The following ARHGAP10 variants were observed in gnomAD, a reference collection of about 807,000 sequenced individuals.
ARHGAP10 encodes Rho GTPase activating protein 10.
Under a neutral mutation model 108.6 loss-of-function variants are expected in ARHGAP10, and 87 were observed. That is an observed-to-expected ratio of 0.80 (90% CI 0.67 to 0.96). The LOEUF (loss-of-function observed/expected upper bound fraction) is 0.96. Among genes scored for constraint, ARHGAP10 ranks in the 40% least tolerant of loss-of-function variants. ARHGAP10 has a pLI of 0.00. For synonymous variants in ARHGAP10, 347 were observed against 341.1 expected (o/e 1.02, Z -0.19); for missense variants, 939 against 954.5 (o/e 0.98, Z 0.21).
chr4:147,764,866 A>G (rs559885965), intron 1 of ARHGAP10, among the ~76,000 whole-genome samples: 1 of 152,260 alleles, frequency 6.6e-6, no homozygotes, highest in East Asian at 1.9e-4. Flanking sequence ...GTTTTATATG[A>G]CAGATGTGCT....
intron 1 of ARHGAP10, among the ~76,000 whole-genome samples, chr4:147,795,929 G>A (rs150873193): frequency 0.022 from 3,360 of 152,134 alleles, 54 homozygotes; most frequent in South Asian, 0.038. Context: ...TCCTGACCTC[G>A]TGATCCGCCC....
At chr4:147,901,394 TC>T (rs1459294460) in intron 10 of ARHGAP10, among the ~76,000 whole-genome samples, 1 of 152,214 alleles carries the variant, frequency 6.6e-6, no homozygotes, top group East Asian at 1.9e-4. Context: ...TGTGAAGTGT[TC>T]TGAAGAATGT....
intron 18 of ARHGAP10, among the ~76,000 whole-genome samples, chr4:147,990,084 TGAG>T (rs1487655867): frequency 6.6e-6 from 1 of 152,286 alleles, no homozygotes; most frequent in East Asian, 1.9e-4. Context: ...TCTGCCTGAA[TGAG>T]GAGGAGGAAA....
At chr4:147,913,937 G>T (rs1177487669) in intron 13 of ARHGAP10, among the ~76,000 whole-genome samples, 1 of 152,178 alleles carries the variant, frequency 6.6e-6, no homozygotes, top group Non-Finnish European at 1.5e-5. Context: ...CAGATCACCT[G>T]AGGCTGGGAG....
chr4:148,056,529 T>G (rs1729370689), intron 20 of ARHGAP10, among the ~76,000 whole-genome samples: 1 of 152,104 alleles, frequency 6.6e-6, no homozygotes, highest in Admixed American at 6.5e-5. Context: ...CCGTAGACCC[T>G]TCACTTCCCC....
intron 18 of ARHGAP10, among the ~76,000 whole-genome samples, chr4:147,969,573 C>T (rs1299084732): frequency 4.6e-5 from 7 of 152,248 alleles, no homozygotes; most frequent in Non-Finnish European, 1.0e-4. Flanking sequence ...TGTGAAAATA[C>T]TGGCTCTGGG....
At chr4:148,060,567 T>G (rs1325801604) in intron 20 of ARHGAP10, among the ~76,000 whole-genome samples, 1 of 152,196 alleles carries the variant, frequency 6.6e-6, no homozygotes, top group African/African-American at 2.4e-5. Flanking sequence ...TCCCAAACCT[T>G]GTTTGGCTGC....
rs546917148 is a variant in ARHGAP10 at position 147,972,363 on chromosome 4, T to C, written c.1716+5524T>C. ...ATAAAATTCCCATTGCATAAATATA[T>C]GTAATAGTATCCCTGTATGGGTGAA... On this transcript the variant is annotated intron_variant, in intron 18 of 22. Transcript: ENST00000336498. Among the ~76,000 whole-genome samples the C allele has an allele frequency of 2.6e-5, 4 of 152,246 alleles. No homozygotes were observed. The East Asian group carries it at 7.7e-4, about 29-fold the overall frequency.
rs911183343 is a variant in ARHGAP10 at position 147,844,265 on chromosome 4, G to A, written c.313-2886G>A. The stretch of plus-strand genomic sequence containing the variant: ...TTATATTAGATATTTTGATAGAGGC[G>A]TGCAATGTATAATAGTCACATCATG... On this transcript the variant is annotated intron_variant, in intron 3 of 22. Coordinates refer to ENST00000336498, the MANE Select transcript of ARHGAP10 (RefSeq NM_024605.4). Among the ~76,000 whole-genome samples the A allele has an allele frequency of 1.8e-4, 27 of 151,990 alleles. 1 individual carries two copies. Among genetic ancestry groups the A allele is most frequent in the Non-Finnish European group, 3.1e-4 (21 of 68,006 alleles).
intron 13 of ARHGAP10, among the ~76,000 whole-genome samples, chr4:147,916,014 C>A (rs114654188): frequency 6.6e-6 from 1 of 152,008 alleles, no homozygotes; most frequent in Admixed American, 6.6e-5. Flanking sequence ...GAGGCTGAGG[C>A]GGGAGGATCA....
chr4:147,798,661 C>G (rs1408552220), intron 1 of ARHGAP10, among the ~76,000 whole-genome samples: 2 of 151,054 alleles, frequency 1.3e-5, no homozygotes, highest in African/African-American at 4.9e-5. Flanking sequence ...GTGGCTCACG[C>G]CTGTAATCCC....
intron 8 of ARHGAP10, among the ~76,000 whole-genome samples, chr4:147,879,031 A>G (rs1428698344): frequency 6.6e-6 from 1 of 151,926 alleles, no homozygotes; most frequent in Admixed American, 6.6e-5. Context: ...CGACCTCCCA[A>G]AGTGCTGGGA....
rs1738106640 is a variant in ARHGAP10, at chr4:147,939,904, G to A, written c.1303+5G>A. On this transcript the variant is annotated splice_donor_5th_base_variant and intron_variant, in intron 14 of 22. Coordinates refer to ENST00000336498, the MANE Select transcript of ARHGAP10 (RefSeq NM_024605.4). ...GACTTCTGAGTATGTTGATGGGTATGCCTCTTTTCTAATCATTTTTCCATG... is the reference window on the plus strand; with the variant it reads ...GACTTCTGAGTATGTTGATGGGTATACCTCTTTTCTAATCATTTTTCCATG... The A allele has an allele frequency of 6.2e-7, 1 of 1,610,388 alleles. No homozygotes were observed. The highest frequency in any genetic ancestry group is 8.5e-7 in the Non-Finnish European group (1 of 1,177,166).
At position 148,025,875 on chromosome 4, in the gene ARHGAP10, G is replaced by A. The variant is rs759949010; in HGVS notation, c.1867+2462G>A. Among the ~76,000 whole-genome samples the A allele has an allele frequency of 8.6e-4, 131 of 151,898 alleles. 1 individual carries two copies. Among genetic ancestry groups the A allele is most frequent in the Admixed American group, 1.2e-3 (19 of 15,260 alleles). ...GTTAATCTAGTTTGTGTTAAAATAT[G>A]CATTATTATAGACAACTTTGGTTGA... On this transcript the variant is annotated intron_variant, in intron 19 of 22. Transcript: ENST00000336498.
chr4:147,828,204 A>G (rs1001837873), intron 3 of ARHGAP10, among the ~76,000 whole-genome samples: 3 of 152,214 alleles, frequency 2.0e-5, no homozygotes, highest in African/African-American at 7.2e-5. Context: ...ATTAAGACTG[A>G]GTCATTAAAA....
At chr4:147,913,878 C>T (rs917110518) in intron 13 of ARHGAP10, among the ~76,000 whole-genome samples, 19 of 152,168 alleles carry the variant, frequency 1.2e-4, no homozygotes, top group Non-Finnish European at 1.9e-4. Context: ...GCTTGCCAGA[C>T]GTGGTGGCTC....
intron 1 of ARHGAP10, among the ~76,000 whole-genome samples, chr4:147,812,821 C>T (rs980521634): frequency 4.6e-5 from 7 of 152,240 alleles, no homozygotes; most frequent in Non-Finnish European, 7.4e-5. Flanking sequence ...TTCTGTGCCC[C>T]TTCTTATGCT....
chr4:148,050,975 AATGGAGTCCAAATGT>A (rs1429122102), intron 20 of ARHGAP10, among the ~76,000 whole-genome samples: 8 of 152,214 alleles, frequency 5.3e-5, no homozygotes, highest in Non-Finnish European at 7.3e-5. Flanking sequence ...GGTCCTAAGG[AATGGAGTCCAAATGT>A]ATGTGGATCA....
chr4:147,782,177 TGTG>T (rs1409491614), intron 1 of ARHGAP10, among the ~76,000 whole-genome samples: 4 of 152,134 alleles, frequency 2.6e-5, no homozygotes, highest in Non-Finnish European at 5.9e-5. Context: ...TGAATTTAAT[TGTG>T]GTGGGTGTGT....
Sources: allele counts gnomAD v4.1 joint callset (sites outside exome capture counted in the v4.1 genomes callset), GRCh38; gene constraint gnomAD v4.1.1; transcripts MANE v1.5; gene names NCBI Gene and HGNC (gene_info 2026-07-23, HGNC 2026-07-21).